Variants in CPA6 observed in about 807,000 individuals in gnomAD.
CPA6 encodes the protein carboxypeptidase A6.
Under a neutral mutation model 63.3 loss-of-function variants are expected in CPA6, and 58 were observed. The ratio of observed to expected loss-of-function variants is 0.92; its 90% CI spans 0.74 to 1.14. The LOEUF is 1.14. Among genes scored for constraint, CPA6 ranks in the 50% most tolerant of loss-of-function variants. The pLI is 0.00. For synonymous variants in CPA6, 185 were observed against 179.0 expected (o/e 1.03, Z -0.27); for missense variants, 565 against 526.6 (o/e 1.07, Z -0.71).
At chr8:67,670,993 A>G (rs1469330924) in intron 1 of CPA6, among the ~76,000 whole-genome samples, 1 of 152,260 alleles carries the variant, frequency 6.6e-6, no homozygotes, top group Non-Finnish European at 1.5e-5. Flanking sequence ...ATGTTCTACC[A>G]TCTTTGTCCT....
intron 9 of CPA6, among the ~76,000 whole-genome samples, chr8:67,432,925 C>G (rs1002968179): frequency 1.3e-5 from 2 of 152,160 alleles, no homozygotes; most frequent in Non-Finnish European, 2.9e-5. Flanking sequence ...CCCCTACTTG[C>G]TACTGGTGTC....
At chr8:67,699,951 A>G (rs1281287343) in intron 1 of CPA6, among the ~76,000 whole-genome samples, 1 of 152,200 alleles carries the variant, frequency 6.6e-6, no homozygotes, top group African/African-American at 2.4e-5. Context: ...CTACAATTGT[A>G]TGTAAAATTC....
intron 1 of CPA6, among the ~76,000 whole-genome samples, chr8:67,670,099 T>A (rs1194281977): frequency 6.6e-6 from 1 of 152,236 alleles, no homozygotes; most frequent in Non-Finnish European, 1.5e-5. Flanking sequence ...CCATCTAAGA[T>A]GTAGAATACA....
At chr8:67,544,863 T>C (rs984758812) in intron 2 of CPA6, among the ~76,000 whole-genome samples, 1 of 152,196 alleles carries the variant, frequency 6.6e-6, no homozygotes, top group Non-Finnish European at 1.5e-5. Flanking sequence ...TTTCACTTAA[T>C]GATATACATG....
At chr8:67,597,823 G>A (rs117202281) in intron 2 of CPA6, among the ~76,000 whole-genome samples, 242 of 152,304 alleles carry the variant, frequency 1.6e-3, no homozygotes, top group Non-Finnish European at 2.9e-3. Flanking sequence ...CAGGTGGATT[G>A]TTGTTCTTTT....
intron 1 of CPA6, among the ~76,000 whole-genome samples, chr8:67,631,644 A>C (rs1177491508): frequency 6.6e-6 from 1 of 152,242 alleles, no homozygotes; most frequent in Non-Finnish European, 1.5e-5. Context: ...GTGAGCCAGC[A>C]GCGGCAACCC....
intron 1 of CPA6, among the ~76,000 whole-genome samples, chr8:67,723,764 A>G (rs1230157217): frequency 6.6e-6 from 1 of 152,196 alleles, no homozygotes; most frequent in African/African-American, 2.4e-5. Flanking sequence ...AAATAATTCC[A>G]TATAAAGATC....
chr8:67,486,217 T>C (rs150968293), intron 6 of CPA6, among the ~76,000 whole-genome samples: 1 of 152,242 alleles, frequency 6.6e-6, no homozygotes. Context: ...TGTGTATTTT[T>C]AATATGTTGG....
rs141371458 is a variant in CPA6, at chr8:67,550,194, C to G, written c.193-32147G>C. Among the ~76,000 whole-genome samples, 119 of 152,254 alleles carry G rather than the reference C, an allele frequency of 7.8e-4. 1 individual carries two copies. Among genetic ancestry groups the G allele is most frequent in the Middle Eastern group, 3.4e-3 (1 of 294 alleles). Reference sequence around the variant, plus strand: ...TTAGTCTTTCAACCCTTTCCCCCTCCCTTTCTCCCCTTTTTGTTAGTCCCC... The same window carrying G: ...TTAGTCTTTCAACCCTTTCCCCCTCGCTTTCTCCCCTTTTTGTTAGTCCCC... On this transcript the variant is annotated intron_variant, in intron 2 of 10. Transcript: ENST00000297770.
At chr8:67,609,118 A>T (rs1814739427) in intron 2 of CPA6, among the ~76,000 whole-genome samples, 1 of 152,228 alleles carries the variant, frequency 6.6e-6, no homozygotes. Context: ...CCCTTCTGTG[A>T]GGCTTGTAGT....
chr8:67,513,976 T>C (rs529018626), intron 3 of CPA6, among the ~76,000 whole-genome samples: 4,197 of 152,038 alleles, frequency 0.028, 184 homozygotes, highest in African/African-American at 0.094. Flanking sequence ...TTTTTTTTTT[T>C]TTTGAGGAGT....
chr8:67,590,338 C>A (rs375930553), intron 2 of CPA6, among the ~76,000 whole-genome samples: 2 of 151,544 alleles, frequency 1.3e-5, no homozygotes, highest in Admixed American at 1.3e-4. Flanking sequence ...TGAATAGTGC[C>A]GCAATAAACA....
chr8:67,495,722 C>CT (rs2128962953), intron 6 of CPA6, among the ~76,000 whole-genome samples: 1 of 152,256 alleles, frequency 6.6e-6, no homozygotes, highest in African/African-American at 2.4e-5. Flanking sequence ...AGATCTCACT[C>CT]TGTCACCCAG....
chr8:67,729,547 T>C (rs1480853733), intron 1 of CPA6, among the ~76,000 whole-genome samples: 1 of 152,176 alleles, frequency 6.6e-6, no homozygotes, highest in Non-Finnish European at 1.5e-5. Context: ...TACAGCTTGG[T>C]CAGGAAGAAT....
chr8:67,527,837 C>A (rs1812396361), intron 2 of CPA6, among the ~76,000 whole-genome samples: 1 of 152,092 alleles, frequency 6.6e-6, no homozygotes, highest in Admixed American at 6.5e-5. Context: ...ATTGTTTTTT[C>A]TTCCATTTTC....
intron 1 of CPA6, among the ~76,000 whole-genome samples, chr8:67,652,924 T>G (rs1421754204): frequency 3.3e-5 from 5 of 150,634 alleles, no homozygotes; most frequent in Admixed American, 3.3e-4. Flanking sequence ...GTATAAGGTG[T>G]AAGGAAGGGA....
intron 1 of CPA6, among the ~76,000 whole-genome samples, chr8:67,683,446 T>G (rs1180077747): frequency 1.3e-5 from 2 of 152,196 alleles, no homozygotes; most frequent in Non-Finnish European, 2.9e-5. Flanking sequence ...ACAGTAATTT[T>G]TACACAGCTT....
chr8:67,510,961 G>A (rs966632961), intron 4 of CPA6, among the ~76,000 whole-genome samples: 1 of 152,122 alleles, frequency 6.6e-6, no homozygotes, highest in Non-Finnish European at 1.5e-5. Flanking sequence ...ATCCAATCTG[G>A]GAGAATAGGA....
intron 1 of CPA6, among the ~76,000 whole-genome samples, chr8:67,684,558 G>C (rs993702955): frequency 2.6e-5 from 4 of 152,122 alleles, no homozygotes; most frequent in African/African-American, 9.7e-5. Context: ...CAATGAAACA[G>C]AGCATGCGTA....
Sources: allele counts gnomAD v4.1 joint callset (sites outside exome capture counted in the v4.1 genomes callset), GRCh38; gene constraint gnomAD v4.1.1; transcripts MANE v1.5; gene names NCBI Gene and HGNC (gene_info 2026-07-23, HGNC 2026-07-21).